CDH9: variants seen among roughly 807,000 people sequenced by gnomAD.
CDH9 encodes cadherin-9.
In CDH9, 28 loss-of-function variants were observed where a neutral mutation model predicts 70.9. The observed-to-expected ratio is 0.40, with a 90% confidence interval of 0.29 to 0.54. CDH9 has a LOEUF of 0.54. CDH9 is among the 20% of genes least tolerant of loss of function. CDH9 has a pLI of 0.59. For synonymous variants in CDH9, 409 were observed against 343.1 expected (o/e 1.19, Z -2.12); for missense variants, 874 against 984.4 (o/e 0.89, Z 1.50).
chr5:26,938,494 T>C (rs987839276), intron 2 of CDH9, among the ~76,000 whole-genome samples: 6 of 152,000 alleles, frequency 3.9e-5, no homozygotes, highest in Admixed American at 2.6e-4. Context: ...GTTAAGTAAA[T>C]TTTTAAAAAT....
At chr5:26,909,768 A>G (rs1741016390) in intron 3 of CDH9, among the ~76,000 whole-genome samples, 1 of 151,770 alleles carries the variant, frequency 6.6e-6, no homozygotes, top group Non-Finnish European at 1.5e-5. Context: ...TTCTTAACTC[A>G]TTATTTACTT....
intron 2 of CDH9, among the ~76,000 whole-genome samples, chr5:26,974,820 G>GTT (rs1419929264): frequency 6.6e-6 from 1 of 151,786 alleles, no homozygotes; most frequent in African/African-American, 2.4e-5. Flanking sequence ...CCTTTTGTGT[G>GTT]TGTGTGTGTG....
In CDH9 at chr5:26,975,105, G is replaced by T. The variant is rs1742283462; in HGVS notation, c.228+13001C>A. 2.6e-5 allele frequency among the ~76,000 whole-genome samples: 4 copies of T among 152,230 alleles called. No homozygotes were observed. The South Asian group carries it at 8.3e-4, about 32-fold the overall frequency. ...TCTGCCCTCACTTTCTGATTGACAT[G>T]TGAGTGGAAGTGCTCACAGAATTGC... On this transcript the variant is annotated intron_variant, in intron 2 of 11. Coordinates refer to ENST00000231021, the MANE Select transcript of CDH9 (RefSeq NM_016279.4).
intron 7 of CDH9, among the ~76,000 whole-genome samples, chr5:26,897,882 T>G (rs1740781376): frequency 6.6e-6 from 1 of 152,148 alleles, no homozygotes; most frequent in South Asian, 2.1e-4. Context: ...GAAGTCAAAT[T>G]GTGTCTGTTT....
In CDH9 at chr5:26,903,746, A is replaced by G; in HGVS notation, c.890T>C (p.Val297Ala). ...ATACTCCATTTCTGCATTTTCCCCC[A>G]CGTCAGGGTCATTGGCTTTTATCCT... is the stretch of plus-strand genomic sequence containing the variant. ...LGRIKANDPD[V>A]GENAEMEYSI... The change falls in exon 6 of 12, where the codon GTG (valine) becomes GCG (alanine). Residue 297 changes from valine (V) to alanine (A), a missense_variant. By Grantham distance (64) the Val-to-Ala change is moderately conservative. Transcript: ENST00000231021. 3 of 1,607,444 alleles carry G rather than the reference A, an allele frequency of 1.9e-6. No individual in the cohort carries two copies. The highest frequency in any genetic ancestry group is 1.7e-6 in the Non-Finnish European group (2 of 1,175,816).
rs150359349 is a variant in CDH9 at position 27,020,728 on chromosome 5, G to GCACA, written c.-50+17731_-50+17734dup. Among the ~76,000 whole-genome samples, 28 of 147,300 alleles carry GCACA rather than the reference G, an allele frequency of 1.9e-4. No individual in the cohort carries two copies. The South Asian group carries it at 2.6e-3, about 14-fold the overall frequency. The stretch of plus-strand genomic sequence containing the variant: ...TAAGAACATTTAAGAATTCACACAC[G>GCACA]CACACACACACACACACACTATATA... On this transcript the variant is annotated intron_variant, in intron 1 of 11. Coordinates refer to ENST00000231021, the MANE Select transcript of CDH9 (RefSeq NM_016279.4).
chr5:27,033,505 T>C (rs974050086), intron 1 of CDH9, among the ~76,000 whole-genome samples: 15 of 151,426 alleles, frequency 9.9e-5, no homozygotes, highest in African/African-American at 3.4e-4. Flanking sequence ...GACAGACAGA[T>C]AGATGTCACT....
intron 2 of CDH9, among the ~76,000 whole-genome samples, chr5:26,929,990 A>G (rs1460090562): frequency 6.6e-6 from 1 of 151,994 alleles, no homozygotes; most frequent in Non-Finnish European, 1.5e-5. Context: ...CTAAAAGAGT[A>G]TAATTGGATT....
chr5:27,010,901 T>C (rs1288442288), intron 1 of CDH9, among the ~76,000 whole-genome samples: 3 of 152,102 alleles, frequency 2.0e-5, no homozygotes, highest in Non-Finnish European at 4.4e-5. Context: ...CCACTGTGGT[T>C]TTCCAGGGAG....
At chr5:26,947,833 T>C (rs1741779315) in intron 2 of CDH9, among the ~76,000 whole-genome samples, 2 of 152,198 alleles carry the variant, frequency 1.3e-5, no homozygotes, top group South Asian at 4.1e-4. Context: ...CATCACTGTG[T>C]GGCACAAATC....
chr5:26,921,944 A>G (rs1741251212), intron 2 of CDH9, among the ~76,000 whole-genome samples: 1 of 152,058 alleles, frequency 6.6e-6, no homozygotes, highest in East Asian at 1.9e-4. Context: ...AGAATGCATC[A>G]GAGTATGTTA....
chr5:26,961,338 A>G lies in CDH9; in HGVS notation c.228+26768T>C, dbSNP rs540695406. 3.9e-5 allele frequency among the ~76,000 whole-genome samples: 6 copies of G among 152,274 alleles called. No homozygotes were observed. The South Asian group carries it at 1.2e-3, about 32-fold the overall frequency. ...ATCAGCTATAGTTACCATATTGTGCACTAGATCTTTTGAATTTATTCTTCC... is the reference window on the plus strand; with the variant it reads ...ATCAGCTATAGTTACCATATTGTGCGCTAGATCTTTTGAATTTATTCTTCC... On this transcript the variant is annotated intron_variant, in intron 2 of 11. Transcript: ENST00000231021.
chr5:27,003,656 C>A (rs1742809279), intron 1 of CDH9, among the ~76,000 whole-genome samples: 1 of 151,986 alleles, frequency 6.6e-6, no homozygotes, highest in Non-Finnish European at 1.5e-5. Flanking sequence ...AAGTGGCATT[C>A]TACAAAATAC....
At chr5:26,962,815 G>A (rs946461616) in intron 2 of CDH9, among the ~76,000 whole-genome samples, 8 of 151,980 alleles carry the variant, frequency 5.3e-5, no homozygotes, top group Non-Finnish European at 1.0e-4. Context: ...CTGCCTTCCC[G>A]TCAGATAAAA....
At position 26,885,705 on chromosome 5, in the gene CDH9, CAT is replaced by C; in HGVS notation, c.1789_1790del (p.Met597AlafsTer65). On this transcript the variant is annotated frameshift_variant, in exon 11 of 12. Transcript: ENST00000231021. LOFTEE classifies it high-confidence loss of function. ...RVCACDNQGNMQSCTAEALIL... is the reference protein window; with the variant it reads ...RVCACDNQGNXQSCTAEALIL... ...TCAGGGCTTCTGCGGTGCAGGATTG[CAT>C]GTTTCCTTGATTATCGCAGGCACAC... 6.2e-7 allele frequency: 1 copy of C among 1,613,604 alleles called. No homozygotes were observed.
At chr5:26,973,276 A>G (rs1165612959) in intron 2 of CDH9, among the ~76,000 whole-genome samples, 1 of 151,714 alleles carries the variant, frequency 6.6e-6, no homozygotes, top group Non-Finnish European at 1.5e-5. Flanking sequence ...TCTCTATACC[A>G]GATCTATATT....
intron 2 of CDH9, among the ~76,000 whole-genome samples, chr5:26,961,905 T>A (rs921707163): frequency 6.6e-6 from 1 of 152,076 alleles, no homozygotes; most frequent in African/African-American, 2.4e-5. Context: ...TGTACACGTG[T>A]CATGTTGGTT....
intron 3 of CDH9, among the ~76,000 whole-genome samples, chr5:26,908,093 T>A (rs1435618270): frequency 3.3e-5 from 5 of 152,202 alleles, no homozygotes; most frequent in African/African-American, 9.6e-5. Context: ...TTTCTCAAAA[T>A]TAATTAGCAT....
chr5:26,890,049 T>C, intron 8 of CDH9, 92 bp from the exon 9 acceptor site: 1 of 1,187,874 alleles, frequency 8.4e-7, no homozygotes, highest in Non-Finnish European at 1.2e-6. Flanking sequence ...AGATCCTTTT[T>C]GTGGTGTTCA....
Sources: allele counts gnomAD v4.1 joint callset (sites outside exome capture counted in the v4.1 genomes callset), GRCh38; gene constraint gnomAD v4.1.1; transcripts MANE v1.5; gene names NCBI Gene and HGNC (gene_info 2026-07-23, HGNC 2026-07-21).